RECQL5: variants seen among roughly 807,000 people sequenced by gnomAD.
The protein encoded by RECQL5 is ATP-dependent DNA helicase Q5.
In RECQL5, 88 loss-of-function variants were observed where a neutral mutation model predicts 103.4. The observed-to-expected ratio is 0.85, with a 90% CI of 0.72 to 1.02. The LOEUF (loss-of-function observed/expected upper bound fraction) is 1.02. Ranked by LOEUF, RECQL5 falls within the 50% of genes least tolerant of loss-of-function variation. RECQL5 has a pLI of 0.00. For missense variants in RECQL5, 1,232 were observed against 1,284.3 expected (o/e 0.96, Z 0.62); for synonymous variants, 552 against 507.9 (o/e 1.09, Z -1.17).
At chr17:75,633,818 TTTC>T in intron 8 of RECQL5, 11 of 1,006,040 alleles carry the variant, frequency 1.1e-5, no homozygotes, top group Non-Finnish European at 1.3e-5. Flanking sequence ...AGCCGACTTC[TTTC>T]TTCAGCTCCC....
chr17:75,652,888 C>T (rs1034703118), intron 7 of RECQL5, among the ~76,000 whole-genome samples: 18 of 152,216 alleles, frequency 1.2e-4, no homozygotes, highest in African/African-American at 3.6e-4. Context: ...TCCCCCAAAG[C>T]CCCTCTCACA....
At chr17:75,634,640 C>CA (rs780758462) in intron 8 of RECQL5, among the ~76,000 whole-genome samples, 3 of 152,128 alleles carry the variant, frequency 2.0e-5, no homozygotes, top group Non-Finnish European at 2.9e-5. Context: ...CAGCATGCGG[C>CA]GCCCCCAGGA....
At chr17:75,667,014 C>T in intron 1 of RECQL5, 30 bp downstream of exon 1, 1 of 259,944 alleles carries the variant, frequency 3.8e-6, no homozygotes, top group South Asian at 4.5e-5. Flanking sequence ...CTTGGCTGGC[C>T]GACACCTCCC....
chr17:75,631,000 G>C lies in RECQL5; in HGVS notation c.1559C>G (p.Pro520Arg). ...KQMQLRKGKD[P>R]KIEEFVPPDE... ...TGGGGGTACAAATTCTTCTATCTTGGGGTCTTTGCCCTGGAGGACAACATG... is the reference window on the plus strand; with the variant it reads ...TGGGGGTACAAATTCTTCTATCTTGCGGTCTTTGCCCTGGAGGACAACATG... Residue 520 changes from proline (P) to arginine (R), a missense_variant, in exon 11 of 20, where the codon CCC (proline) becomes CGC (arginine). Physicochemically the swap from Pro to Arg is moderately radical, Grantham distance 103. Transcript: ENST00000317905. The C allele has an allele frequency of 6.2e-7, 1 of 1,613,882 alleles. No homozygotes were observed. The highest frequency in any genetic ancestry group is 8.5e-7 in the Non-Finnish European group (1 of 1,179,964).
At chr17:75,650,854 G>C in intron 8 of RECQL5, 1 of 1,469,106 alleles carries the variant, frequency 6.8e-7, no homozygotes, top group Non-Finnish European at 9.0e-7. Flanking sequence ...CAGCTCGGTG[G>C]CACATGATGA....
At chr17:75,662,333 C>T (rs545013154) in intron 4 of RECQL5, 146 bp downstream of exon 4, 17 of 930,306 alleles carry the variant, frequency 1.8e-5, no homozygotes, top group Non-Finnish European at 2.6e-5. Context: ...GCCAGGAAAC[C>T]AAAGAGACAA....
chr17:75,653,681 T>C (rs990323909), intron 7 of RECQL5, among the ~76,000 whole-genome samples: 3 of 152,122 alleles, frequency 2.0e-5, no homozygotes, highest in African/African-American at 7.2e-5. Flanking sequence ...GGTGGATCAC[T>C]TGAGGTCAGG....
chr17:75,656,360 G>A (rs576278276), intron 7 of RECQL5, among the ~76,000 whole-genome samples: 1 of 152,220 alleles, frequency 6.6e-6, no homozygotes, highest in South Asian at 2.1e-4. Context: ...TTACAGGCGT[G>A]AGCCACCGCA....
chr17:75,631,810 A>G, intron 8 of RECQL5, 142 bp from the exon 9 acceptor site: 1 of 807,806 alleles, frequency 1.2e-6, no homozygotes, highest in Non-Finnish European at 2.0e-6. Context: ...ATCTCATCCA[A>G]GCTGCACCAG....
At chr17:75,643,089 C>A (rs996433916) in intron 8 of RECQL5, among the ~76,000 whole-genome samples, 1 of 152,224 alleles carries the variant, frequency 6.6e-6, no homozygotes, top group African/African-American at 2.4e-5. Flanking sequence ...CAATGAGGCA[C>A]CCCTCCCGGA....
chr17:75,628,006 TAA>T (rs376044214), intron 18 of RECQL5, among the ~76,000 whole-genome samples: 1,395 of 96,064 alleles, frequency 0.015, 20 homozygotes, highest in African/African-American at 0.046. Flanking sequence ...GCGACAGAGA[TAA>T]AAAAAAAAAA....
At chr17:75,656,428 T>C (rs912032241) in intron 7 of RECQL5, among the ~76,000 whole-genome samples, 1 of 152,244 alleles carries the variant, frequency 6.6e-6, no homozygotes, top group Non-Finnish European at 1.5e-5. Flanking sequence ...GTAACACTTA[T>C]TCCTAAGTAT....
Position 75,666,411 on chromosome 17 carries a change from T to A in RECQL5, c.130+17A>T, listed in dbSNP as rs752812949. 6.2e-7 allele frequency: 1 copy of A among 1,613,478 alleles called. No homozygotes were observed. Among genetic ancestry groups the A allele is most frequent in the Non-Finnish European group, 8.5e-7 (1 of 1,179,700 alleles). ...TAGCCAGCATAAATTTAAAGGAAGGTAGCTTGGTAATGTTACCTTTTACTA... is the reference window on the plus strand; with the variant it reads ...TAGCCAGCATAAATTTAAAGGAAGGAAGCTTGGTAATGTTACCTTTTACTA... On this transcript the variant is annotated intron_variant, in intron 2 of 19. Transcript: ENST00000317905.
chr17:75,659,402 C>T (rs1235122065), intron 6 of RECQL5, among the ~76,000 whole-genome samples: 2 of 152,110 alleles, frequency 1.3e-5, no homozygotes, highest in East Asian at 1.9e-4. Flanking sequence ...CTGTTGCACA[C>T]GCTAGAGTAC....
chr17:75,662,026 T>G (rs760246119), intron 4 of RECQL5, among the ~76,000 whole-genome samples: 1 of 152,130 alleles, frequency 6.6e-6, no homozygotes, highest in Non-Finnish European at 1.5e-5. Flanking sequence ...CCGGGAGTGG[T>G]GGCGCATGCC....
chr17:75,629,336 C>T lies in RECQL5; in HGVS notation c.2087G>A (p.Arg696Gln), dbSNP rs1456160196. 6 of 1,527,016 alleles carry T rather than the reference C, an allele frequency of 3.9e-6. No individual in the cohort carries two copies. Among genetic ancestry groups the T allele is most frequent in the South Asian group, 1.3e-5 (1 of 77,368 alleles). 94.6% of individuals were successfully genotyped at this position (1,527,016 alleles called of 1,614,324 possible). A position where few individuals can be genotyped will look rare whatever the true frequency, so the allele number is the denominator to read the frequency against. Residue 696 changes from arginine to glutamine, a missense_variant, in exon 16 of 20, where the codon CGG becomes CAG. Arg to Gln is a conservative substitution (Grantham distance 43). Transcript: ENST00000317905. Reference sequence around the variant, plus strand: ...ATCCTCATCCAGGAGGCCACAGGGCCGGCTCGGGGGCTCGTGCTCGCCTCC... The same window carrying T: ...ATCCTCATCCAGGAGGCCACAGGGCTGGCTCGGGGGCTCGTGCTCGCCTCC... ...ERGGEHEPPS[R>Q]PCGLLDEDGS...
chr17:75,663,027 C>A, intron 3 of RECQL5, 30 bp from the exon 4 acceptor site: 1 of 1,549,968 alleles, frequency 6.5e-7, no homozygotes, highest in Non-Finnish European at 8.7e-7. Flanking sequence ...CTGTAACTGG[C>A]CCTCAGGACT....
intron 8 of RECQL5, 94 bp downstream of exon 8, chr17:75,651,092 C>T (rs1180309252): frequency 5.6e-6 from 9 of 1,606,706 alleles, no homozygotes; most frequent in Admixed American, 5.0e-5. Context: ...TGGTAGCCTA[C>T]GGGCTGTCTT....
chr17:75,645,967 A>G (rs890066977), intron 8 of RECQL5, among the ~76,000 whole-genome samples: 1 of 152,216 alleles, frequency 6.6e-6, no homozygotes, highest in Non-Finnish European at 1.5e-5. Flanking sequence ...TCACAACTGG[A>G]CACACAGTGC....
Sources: gnomAD v4.1 joint callset for allele counts (sites outside exome capture counted in the v4.1 genomes callset) on GRCh38, gnomAD v4.1.1 for gene constraint, MANE v1.5 for transcripts, NCBI Gene and HGNC (gene_info 2026-07-23, HGNC 2026-07-21) for gene names.